CUBN: variants seen among roughly 807,000 people sequenced by gnomAD.
The protein encoded by CUBN is cubilin, also known as 460 kDa receptor.
A neutral mutation model predicts 405.3 loss-of-function variants in CUBN; 282 were observed. The observed-to-expected ratio is 0.70, with a 90% confidence interval of 0.63 to 0.77. The LOEUF is 0.77. CUBN is among the 30% of genes least tolerant of loss of function. CUBN has a pLI of 0.00. For synonymous variants in CUBN, 1,684 were observed against 1,617.0 expected, an observed-to-expected ratio of 1.04 and a Z score of -0.99; for missense variants, 4,514 against 4,475.2, an observed-to-expected ratio of 1.01 and a Z score of -0.25.
At chr10:17,102,014 C>T (rs1013929219) in intron 13 of CUBN, among the ~76,000 whole-genome samples, 12 of 152,106 alleles carry the variant, frequency 7.9e-5, no homozygotes, top group African/African-American at 4.8e-5. Flanking sequence ...CAACATAAAA[C>T]TAAGCAACCA....
At chr10:16,972,396 C>A (rs1249400847) in intron 31 of CUBN, among the ~76,000 whole-genome samples, 2 of 151,990 alleles carry the variant, frequency 1.3e-5, no homozygotes, top group Admixed American at 6.6e-5. Flanking sequence ...AAGTCAAACT[C>A]ACTATCATCT....
chr10:17,074,104 T>A (rs1835799707), intron 17 of CUBN, among the ~76,000 whole-genome samples: 1 of 152,222 alleles, frequency 6.6e-6, no homozygotes, highest in Non-Finnish European at 1.5e-5. Flanking sequence ...ATTCACTTCA[T>A]TAACATTATC....
chr10:17,011,982 A>C lies in CUBN; in HGVS notation c.4168+7851T>G, dbSNP rs1408094777. Among the ~76,000 whole-genome samples the C allele has an allele frequency of 2.0e-5, 3 of 152,176 alleles. No individual in the cohort carries two copies. In the East Asian group the frequency reaches 5.8e-4, roughly 29 times the overall value. On this transcript the variant is annotated intron_variant, in intron 28 of 66. Coordinates refer to ENST00000377833, the MANE Select transcript of CUBN (RefSeq NM_001081.4). ...AACTGCTGCTGGGAATTGGGTGATG[A>C]CCACTCTAGCTACTTCCCGCTGGAT...
chr10:16,891,457 G>A lies in CUBN; in HGVS notation c.8599-930C>T, dbSNP rs1413712050. Among the ~76,000 whole-genome samples the A allele has an allele frequency of 8.5e-5, 13 of 152,232 alleles. No individual in the cohort carries two copies. In the East Asian group the frequency reaches 2.5e-3, roughly 29 times the overall value. On this transcript the variant is annotated intron_variant, in intron 54 of 66. Coordinates refer to ENST00000377833, the MANE Select transcript of CUBN (RefSeq NM_001081.4). ...AGAGAAGAGAGAGAAAACCAAGGAG[G>A]AAGGGGTGAGGAAGCCTGCAGAGGG... is the stretch of plus-strand genomic sequence containing the variant.
At chr10:16,969,979 A>T (rs994865854) in intron 31 of CUBN, among the ~76,000 whole-genome samples, 1 of 152,124 alleles carries the variant, frequency 6.6e-6, no homozygotes, top group African/African-American at 2.4e-5. Context: ...CCACAAATGC[A>T]ACTCCTAACT....
At chr10:16,984,903 C>A (rs1161156678) in intron 29 of CUBN, among the ~76,000 whole-genome samples, 4 of 152,182 alleles carry the variant, frequency 2.6e-5, no homozygotes, top group African/African-American at 9.7e-5. Flanking sequence ...TGTTTTGGAG[C>A]CTAAGGAAGG....
At position 17,129,096 on chromosome 10, in the gene CUBN, C is replaced by T. The variant is rs766058297; in HGVS notation, c.252+25G>A. 1.9e-6 allele frequency: 3 copies of T among 1,594,532 alleles called. No individual in the cohort carries two copies. The African/African-American group carries it at 4.0e-5, about 21-fold the overall frequency. On this transcript the variant is annotated intron_variant, in intron 2 of 66. Coordinates refer to ENST00000377833, the MANE Select transcript of CUBN (RefSeq NM_001081.4). ...CACCGTATATGGATATACAAAATGA[C>T]TTCAATATATTTCCAGTGTATTACC...
chr10:16,933,016 G>A, intron 40 of CUBN, 71 bp downstream of exon 40: 2 of 1,500,844 alleles, frequency 1.3e-6, no homozygotes, highest in Non-Finnish European at 1.9e-6. Flanking sequence ...CAGTATGCAA[G>A]TCTGATGATA....
chr10:17,092,208 C>T (rs1836279247), intron 14 of CUBN, among the ~76,000 whole-genome samples: 1 of 152,164 alleles, frequency 6.6e-6, no homozygotes, highest in African/African-American at 2.4e-5. Context: ...TCTGACTAAG[C>T]TCCTCTCTAC....
intron 27 of CUBN, among the ~76,000 whole-genome samples, chr10:17,025,645 G>C (rs1834641668): frequency 6.6e-6 from 1 of 152,192 alleles, no homozygotes; most frequent in South Asian, 2.1e-4. Context: ...AAATAGCTAT[G>C]AGAAAAGAAA....
chr10:16,996,074 T>A (rs1177057139), intron 28 of CUBN, among the ~76,000 whole-genome samples: 7 of 152,162 alleles, frequency 4.6e-5, no homozygotes. Context: ...GCCGAGAACT[T>A]CAGCTCAAAG....
At chr10:17,093,246 C>T (rs1315640952) in intron 14 of CUBN, among the ~76,000 whole-genome samples, 2 of 152,138 alleles carry the variant, frequency 1.3e-5, no homozygotes, top group Non-Finnish European at 2.9e-5. Context: ...CATTCCCAAG[C>T]TGCAAATGCA....
Position 16,913,921 on chromosome 10 carries a change from C to G in CUBN, c.7423G>C (p.Gly2475Arg). ...GTGATTCTCCACTCGCAGATCCGGCCATGAGGATTTGGGTTCGGGTAGTTG... is the reference window on the plus strand; with the variant it reads ...GTGATTCTCCACTCGCAGATCCGGCGATGAGGATTTGGGTTCGGGTAGTTG... ...SPNYPNPNPH[G>R]RICEWRITAP... The change falls in exon 48 of 67, where the codon GGC becomes CGC. Residue 2475 changes from glycine (G) to arginine (R), a missense_variant. Gly to Arg is a moderately radical substitution (Grantham distance 125). This residue lies in a region of CUBN where 1,613 missense variants were observed against 1,542.8 expected (regional missense o/e 1.05). Coordinates refer to ENST00000377833, the MANE Select transcript of CUBN (RefSeq NM_001081.4). 6.2e-7 allele frequency: 1 copy of G among 1,614,078 alleles called. No homozygotes were observed. Among genetic ancestry groups the G allele is most frequent in the Non-Finnish European group, 8.5e-7 (1 of 1,180,018 alleles).
intron 60 of CUBN, among the ~76,000 whole-genome samples, chr10:16,843,240 C>T (rs1371855565): frequency 1.3e-5 from 2 of 152,162 alleles, no homozygotes; most frequent in East Asian, 1.9e-4. Flanking sequence ...CCCTGAAACA[C>T]ATAACTAGAA....
intron 45 of CUBN, among the ~76,000 whole-genome samples, chr10:16,916,364 G>C (rs1377166322): frequency 1.3e-5 from 2 of 152,186 alleles, no homozygotes; most frequent in Non-Finnish European, 2.9e-5. Context: ...TTCATCTCAA[G>C]AACCAACTGA....
chr10:16,890,401 C>CTGG lies in CUBN; in HGVS notation c.8722_8724dup (p.Pro2908dup). 1 of 1,613,838 alleles carries CTGG rather than the reference C, an allele frequency of 6.2e-7. No individual in the cohort carries two copies. The highest frequency in any genetic ancestry group is 8.5e-7 in the Non-Finnish European group (1 of 1,180,022). ...ACAAAGGACGCGGAGAAGCCCTGAG[C>CTGG]TGGTGCCTCCTGAGACTGGAAGACG... On this transcript the variant is annotated inframe_insertion, in exon 55 of 67. Transcript: ENST00000377833.
chr10:17,032,174 C>T (rs976647954), intron 27 of CUBN, among the ~76,000 whole-genome samples: 3 of 152,168 alleles, frequency 2.0e-5, no homozygotes, highest in Admixed American at 2.0e-4. Context: ...AAACCATTTC[C>T]TGAAGTGTCC....
Position 17,129,270 on chromosome 10 carries a change from G to T in CUBN, c.123-20C>A, listed in dbSNP as rs1361427902. On this transcript the variant is annotated intron_variant, in intron 1 of 66. Transcript: ENST00000377833. ...CGAGGCCTATATAATTCAAACGAGA[G>T]AATGCATCAGTAATTAGCAAGTACA... 1.9e-6 allele frequency: 3 copies of T among 1,612,032 alleles called. No homozygotes were observed. Among genetic ancestry groups the T allele is most frequent in the Non-Finnish European group, 2.5e-6 (3 of 1,178,202 alleles).
rs757307834 is a variant in CUBN at position 16,906,431 on chromosome 10, G to C, written c.7706-22C>G. ...CACACTAAGAAAACAGAAGGCAACA[G>C]AGAAAGTAGTAGTAAGATTCAGGCC... On this transcript the variant is annotated intron_variant, in intron 49 of 66. Coordinates refer to ENST00000377833, the MANE Select transcript of CUBN (RefSeq NM_001081.4). 4 of 1,541,450 alleles carry C rather than the reference G, an allele frequency of 2.6e-6. No homozygotes were observed. The African/African-American group carries it at 4.1e-5, about 16-fold the overall frequency.
Sources: gnomAD v4.1 joint callset for allele counts (sites outside exome capture counted in the v4.1 genomes callset) on GRCh38, gnomAD v4.1.1 for gene constraint, gnomAD v4.1.1 regional missense constraint, MANE v1.5 for transcripts, NCBI Gene and HGNC (gene_info 2026-07-23, HGNC 2026-07-21) for gene names.